Variants in CTNNA2 observed in about 807,000 individuals in gnomAD.
The protein encoded by CTNNA2 is catenin alpha 2.
A neutral mutation model predicts 101.0 loss-of-function variants in CTNNA2; 42 were observed. That is an observed-to-expected ratio of 0.42 (90% confidence interval 0.32 to 0.54). The LOEUF (loss-of-function observed/expected upper bound fraction) is 0.54. Among genes scored for constraint, CTNNA2 ranks in the 20% least tolerant of loss-of-function variants. CTNNA2 has a pLI of 0.14. For missense variants in CTNNA2, 871 were observed against 1,223.1 expected (o/e 0.71, Z 4.29); for synonymous variants, 450 against 456.4 (o/e 0.99, Z 0.18).
At chr2:80,089,088 C>A (rs1450100028) in intron 7 of CTNNA2, among the ~76,000 whole-genome samples, 6 of 151,942 alleles carry the variant, frequency 3.9e-5, no homozygotes, top group Admixed American at 3.9e-4. Flanking sequence ...TCCAGGAGGC[C>A]CATGAAAAGT....
chr2:79,942,688 G>T (rs1033184202), intron 7 of CTNNA2, among the ~76,000 whole-genome samples: 2 of 152,054 alleles, frequency 1.3e-5, no homozygotes, highest in African/African-American at 4.8e-5. Flanking sequence ...AACCCAAGAG[G>T]CATACTTGCC....
intron 9 of CTNNA2, among the ~76,000 whole-genome samples, chr2:80,453,445 C>G (rs1183767319): frequency 6.6e-6 from 1 of 152,018 alleles, no homozygotes; most frequent in Non-Finnish European, 1.5e-5. Flanking sequence ...TGGATAGACT[C>G]TAATATGGTG....
chr2:79,713,723 C>A (rs1479276486), intron 2 of CTNNA2, among the ~76,000 whole-genome samples: 5 of 152,056 alleles, frequency 3.3e-5, no homozygotes, highest in African/African-American at 1.2e-4. Context: ...ATTCCCTGTT[C>A]ATTTAAATTT....
At chr2:80,043,923 G>A (rs1290000096) in intron 7 of CTNNA2, among the ~76,000 whole-genome samples, 1 of 152,164 alleles carries the variant, frequency 6.6e-6, no homozygotes, top group African/African-American at 2.4e-5. Context: ...GTGTGTGTTT[G>A]TGCATGTATG....
At position 80,455,330 on chromosome 2, in the gene CTNNA2, T is replaced by C. The variant is rs1046863981; in HGVS notation, c.1290+35729T>C. On this transcript the variant is annotated intron_variant, in intron 9 of 18. Coordinates refer to ENST00000402739, the MANE Select transcript of CTNNA2 (RefSeq NM_001282597.3). ...AGAGAAACTGTTACCCAGCTAGTAATTGCCAGGTTGAATGGGCTTGTATAA... is the reference window on the plus strand; with the variant it reads ...AGAGAAACTGTTACCCAGCTAGTAACTGCCAGGTTGAATGGGCTTGTATAA... Among the ~76,000 whole-genome samples the C allele has an allele frequency of 2.7e-4, 41 of 152,272 alleles. 1 individual carries two copies. Among genetic ancestry groups the C allele is most frequent in the African/African-American group, 9.1e-4 (38 of 41,554 alleles).
In CTNNA2 at chr2:80,367,086, G is replaced by A. The variant is rs145624660; in HGVS notation, c.1057-26125G>A. Among the ~76,000 whole-genome samples the A allele has an allele frequency of 8.5e-3, 1,285 of 152,050 alleles. 22 individuals carry two copies. Among genetic ancestry groups the A allele is most frequent in the African/African-American group, 0.029 (1,222 of 41,490 alleles). On this transcript the variant is annotated intron_variant, in intron 7 of 18. Transcript: ENST00000402739. ...ACACATGTATCTCAAAGAGCAGGGG[G>A]ATGACTTTGAATAGAATGGGAGGCA...
chr2:79,209,991 G>A (rs1184170890), intron 2 of CTNNA2, among the ~76,000 whole-genome samples: 1 of 151,514 alleles, frequency 6.6e-6, no homozygotes, highest in Non-Finnish European at 1.5e-5. Context: ...GTGTGGCGGG[G>A]GTATTGGAAA....
At chr2:79,820,071 A>T (rs1157517207) in intron 3 of CTNNA2, among the ~76,000 whole-genome samples, 7 of 132,694 alleles carry the variant, frequency 5.3e-5, no homozygotes, top group Non-Finnish European at 9.4e-5. Context: ...GTAAATCCTC[A>T]GATAAATATA....
At chr2:79,854,718 A>G (rs1361342724) in intron 3 of CTNNA2, among the ~76,000 whole-genome samples, 1 of 152,178 alleles carries the variant, frequency 6.6e-6, no homozygotes, top group East Asian at 1.9e-4. Flanking sequence ...AGGACATCAA[A>G]GGCTTTACCG....
intron 2 of CTNNA2, among the ~76,000 whole-genome samples, chr2:79,727,841 T>C (rs1472502149): frequency 2.0e-5 from 3 of 151,348 alleles, no homozygotes; most frequent in East Asian, 3.9e-4. Context: ...GGTTTTTTGT[T>C]CTTGCGATAG....
At position 80,368,981 on chromosome 2, in the gene CTNNA2, A is replaced by G. The variant is rs944960210; in HGVS notation, c.1057-24230A>G. 5.3e-5 allele frequency among the ~76,000 whole-genome samples: 8 copies of G among 151,712 alleles called. 1 individual carries two copies. The South Asian group carries it at 1.7e-3, about 32-fold the overall frequency. On this transcript the variant is annotated intron_variant, in intron 7 of 18. Transcript: ENST00000402739. ...GTCAGCTGGGTGACTGTGCTCCAGG[A>G]TATTGTAGTATACTTTTCTTGAACC...
At chr2:79,415,596 A>T (rs1678470390) in intron 4 of CTNNA2, among the ~76,000 whole-genome samples, 1 of 151,974 alleles carries the variant, frequency 6.6e-6, no homozygotes, top group Non-Finnish European at 1.5e-5. Context: ...TATCTTAAGG[A>T]ATACTATGTG....
chr2:79,338,575 A>ATCTTCTTTTTCTTCTTCTTCT (rs1239699778), intron 3 of CTNNA2, among the ~76,000 whole-genome samples: 1 of 115,422 alleles, frequency 8.7e-6, no homozygotes, highest in Non-Finnish European at 1.8e-5. Flanking sequence ...CTTCCTCCTC[A>ATCTTCTTTTTCTTCTTCTTCT]TCATCTTCTT....
At chr2:79,636,276 AAAAAAAAAAAAAAAAAAAAAAAAGGAAG>A (rs1290936848) in intron 1 of CTNNA2, among the ~76,000 whole-genome samples, 1 of 144,650 alleles carries the variant, frequency 6.9e-6, no homozygotes, top group Non-Finnish European at 1.5e-5. Flanking sequence ...TCTCAAAAAA[AAAAAAAAAAAAAAAAAAAAAAAAGGAAG>A]AAAAAGAAAA....
At chr2:79,996,618 C>T (rs946674382) in intron 7 of CTNNA2, among the ~76,000 whole-genome samples, 1 of 152,158 alleles carries the variant, frequency 6.6e-6, no homozygotes, top group Non-Finnish European at 1.5e-5. Flanking sequence ...CACTTGAGCA[C>T]TTATACAAAG....
intron 7 of CTNNA2, among the ~76,000 whole-genome samples, chr2:79,940,953 G>T (rs1262268171): frequency 6.6e-6 from 1 of 152,110 alleles, no homozygotes; most frequent in Non-Finnish European, 1.5e-5. Flanking sequence ...TTGAACCATT[G>T]TAAGTCGAGG....
intron 8 of CTNNA2, among the ~76,000 whole-genome samples, chr2:80,403,576 G>A (rs575430472): frequency 6.6e-6 from 1 of 152,296 alleles, no homozygotes; most frequent in South Asian, 2.1e-4. Context: ...CAGGTCTACA[G>A]TAATTTCCTT....
intron 2 of CTNNA2, among the ~76,000 whole-genome samples, chr2:79,695,537 C>T (rs1175417340): frequency 2.0e-5 from 3 of 151,984 alleles, no homozygotes; most frequent in African/African-American, 4.8e-5. Context: ...CTTTAAGCCT[C>T]TCCATGGGTC....
chr2:80,217,496 A>G (rs970537495), intron 7 of CTNNA2, among the ~76,000 whole-genome samples: 6 of 152,066 alleles, frequency 3.9e-5, no homozygotes, highest in Admixed American at 1.3e-4. Context: ...AAAATTAAAG[A>G]TCAGACTCAG....
Sources: allele counts gnomAD v4.1 joint callset (sites outside exome capture counted in the v4.1 genomes callset), GRCh38; gene constraint gnomAD v4.1.1; transcripts MANE v1.5; gene names NCBI Gene and HGNC (gene_info 2026-07-23, HGNC 2026-07-21).